Variants in PCCA observed in about 807,000 individuals in gnomAD.
PCCA encodes propionyl-CoA carboxylase alpha chain, mitochondrial.
A neutral mutation model predicts 101.3 loss-of-function variants in PCCA; 74 were observed. The ratio of observed to expected loss-of-function variants is 0.73; its 90% CI spans 0.61 to 0.89. PCCA has a LOEUF of 0.89. Ranked by LOEUF, PCCA falls within the 40% of genes least tolerant of loss-of-function variation. The probability of loss-of-function intolerance (pLI) is 0.00; values close to 1 mark genes in which losing one functional copy is unlikely to be tolerated. For synonymous variants in PCCA, 294 were observed against 313.6 expected, an observed-to-expected ratio of 0.94 and a Z score of 0.66; for missense variants, 891 against 907.0, an observed-to-expected ratio of 0.98 and a Z score of 0.23.
intron 1 of PCCA, among the ~76,000 whole-genome samples, chr13:100,096,359 A>G (rs1265851443): frequency 2.0e-5 from 3 of 152,210 alleles, no homozygotes; most frequent in East Asian, 1.9e-4. Flanking sequence ...AACCACGCCC[A>G]TATAAGTTGG....
intron 4 of PCCA, among the ~76,000 whole-genome samples, chr13:100,146,928 T>C (rs2052643351): frequency 6.6e-6 from 1 of 151,444 alleles, no homozygotes; most frequent in African/African-American, 2.4e-5. Flanking sequence ...TGTCCAATAC[T>C]AGGAGAATGG....
intron 1 of PCCA, among the ~76,000 whole-genome samples, chr13:100,089,519 A>G (rs1367508999): frequency 6.6e-6 from 1 of 152,236 alleles, no homozygotes; most frequent in Non-Finnish European, 1.5e-5. Flanking sequence ...TTGGGCAGGC[A>G]TATTGCTCGA....
chr13:100,503,750 A>G (rs577574348), intron 21 of PCCA, among the ~76,000 whole-genome samples: 7 of 151,638 alleles, frequency 4.6e-5, no homozygotes, highest in Non-Finnish European at 8.8e-5. Flanking sequence ...CAAAAAATTT[A>G]AAAAAAAATT....
At chr13:100,369,978 C>T (rs1490877796) in intron 19 of PCCA, among the ~76,000 whole-genome samples, 3 of 150,444 alleles carry the variant, frequency 2.0e-5, no homozygotes, top group African/African-American at 7.3e-5. Context: ...CCACTGAAGC[C>T]TTACTGTAAT....
chr13:100,179,320 C>T (rs978293868), intron 6 of PCCA, among the ~76,000 whole-genome samples: 2 of 152,020 alleles, frequency 1.3e-5, no homozygotes, highest in African/African-American at 4.8e-5. Flanking sequence ...TGCCACCCTT[C>T]ATGCCTGCTG....
Position 100,435,847 on chromosome 13 carries a change from C to T in PCCA, c.1845+10116C>T, listed in dbSNP as rs553624008. Among the ~76,000 whole-genome samples, 4 of 152,210 alleles carry T rather than the reference C, an allele frequency of 2.6e-5. No individual in the cohort carries two copies. The South Asian group carries it at 8.3e-4, about 32-fold the overall frequency. ...TCACCTAAGGTCAGGAGTTTGAAAC[C>T]AGTCTGGCCAACATCGTGAAACCCC... On this transcript the variant is annotated intron_variant, in intron 20 of 23. Transcript: ENST00000376285.
At chr13:100,472,020 T>G (rs140888699) in intron 21 of PCCA, among the ~76,000 whole-genome samples, 3 of 152,216 alleles carry the variant, frequency 2.0e-5, no homozygotes, top group South Asian at 4.1e-4. Flanking sequence ...AAAGGAAAAC[T>G]TAAAGGAAGG....
intron 4 of PCCA, among the ~76,000 whole-genome samples, chr13:100,135,926 T>C (rs570505203): frequency 6.6e-6 from 1 of 152,304 alleles, no homozygotes; most frequent in South Asian, 2.1e-4. Flanking sequence ...TCCTTTTGAT[T>C]GTAATATGCT....
At chr13:100,442,904 G>C (rs1272168509) in intron 20 of PCCA, among the ~76,000 whole-genome samples, 2 of 152,132 alleles carry the variant, frequency 1.3e-5, no homozygotes, top group Non-Finnish European at 2.9e-5. Flanking sequence ...GCTCTGAAAC[G>C]GGACAAGCTT....
At position 100,515,487 on chromosome 13, in the gene PCCA, G is replaced by A; in HGVS notation, c.1960G>A (p.Val654Met). ...ATTGAACAAATTTATGCTGGAAAAA[G>A]TGACTGAGGACACAAGCAGTGTTCT... ...AELNKFMLEK[V>M]TEDTSSVLRS... is the part of the protein sequence containing the mutation. The change falls in exon 22 of 24, where the codon GTG becomes ATG. Residue 654 changes from valine (V) to methionine (M), a missense_variant. Coordinates refer to ENST00000376285, the MANE Select transcript of PCCA (RefSeq NM_000282.4). The A allele has an allele frequency of 4.3e-6, 7 of 1,614,108 alleles. No individual in the cohort carries two copies. The highest frequency in any genetic ancestry group is 5.9e-6 in the Non-Finnish European group (7 of 1,179,978).
At chr13:100,515,685 C>A (rs36103425) in intron 22 of PCCA, 118 bp downstream of exon 22, 34 of 1,201,644 alleles carry the variant, frequency 2.8e-5, no homozygotes, top group African/African-American at 1.6e-4. Flanking sequence ...ACCGACGCCC[C>A]CTAAACAGCA....
chr13:100,279,857 T>C (rs1219577970), intron 12 of PCCA, among the ~76,000 whole-genome samples: 3 of 152,212 alleles, frequency 2.0e-5, no homozygotes, highest in Admixed American at 6.5e-5. Flanking sequence ...ATTCACCAAA[T>C]TCTTTATCTC....
intron 1 of PCCA, among the ~76,000 whole-genome samples, chr13:100,091,284 C>T (rs2046257525): frequency 6.6e-6 from 1 of 152,212 alleles, no homozygotes; most frequent in South Asian, 2.1e-4. Flanking sequence ...CTGTTGTACA[C>T]TTGTTATACA....
intron 18 of PCCA, among the ~76,000 whole-genome samples, chr13:100,347,937 GTTC>G (rs1027847681): frequency 2.6e-4 from 39 of 150,324 alleles, no homozygotes; most frequent in Non-Finnish European, 4.9e-4. Flanking sequence ...TAAATATAGT[GTTC>G]TTCTTCAGGA....
chr13:100,353,214 C>T, intron 18 of PCCA, among the ~76,000 whole-genome samples: 1 of 152,136 alleles, frequency 6.6e-6, no homozygotes. Context: ...GATAGAACAA[C>T]TAGAGAGAAT....
intron 4 of PCCA, among the ~76,000 whole-genome samples, chr13:100,139,090 C>G (rs1385165801): frequency 6.6e-6 from 1 of 151,950 alleles, no homozygotes; most frequent in Non-Finnish European, 1.5e-5. Flanking sequence ...GTCTTTGTGG[C>G]TTCTGATGTG....
chr13:100,493,070 C>T (rs2085018941), intron 21 of PCCA, among the ~76,000 whole-genome samples: 1 of 152,170 alleles, frequency 6.6e-6, no homozygotes, highest in Non-Finnish European at 1.5e-5. Flanking sequence ...AACACGTAGC[C>T]ATCCGCAGAT....
intron 20 of PCCA, among the ~76,000 whole-genome samples, chr13:100,448,791 A>C (rs1031502895): frequency 2.0e-5 from 3 of 152,200 alleles, no homozygotes; most frequent in Non-Finnish European, 4.4e-5. Flanking sequence ...TATTTTATTG[A>C]GATATAATTC....
At chr13:100,170,401 T>G in intron 6 of PCCA, among the ~76,000 whole-genome samples, 1 of 152,232 alleles carries the variant, frequency 6.6e-6, no homozygotes, top group African/African-American at 2.4e-5. Context: ...TTTAAATGCA[T>G]GCTTTCTAAA....
Sources: gnomAD v4.1 joint callset for allele counts (sites outside exome capture counted in the v4.1 genomes callset) on GRCh38, gnomAD v4.1.1 for gene constraint, MANE v1.5 for transcripts, NCBI Gene and HGNC (gene_info 2026-07-23, HGNC 2026-07-21) for gene names.